RFT1: variants seen among roughly 807,000 people sequenced by gnomAD.
The protein encoded by RFT1 is man(5)GlcNAc(2)-PP-dolichol translocation protein RFT1.
Under a neutral mutation model 62.2 loss-of-function variants are expected in RFT1, and 43 were observed. That is an observed-to-expected ratio of 0.69 (90% CI 0.54 to 0.89). RFT1 has a LOEUF of 0.89. Among genes scored for constraint, RFT1 ranks in the 40% least tolerant of loss-of-function variants. The pLI is 0.00. For synonymous variants in RFT1, 262 were observed against 264.6 expected (o/e 0.99, Z 0.10); for missense variants, 605 against 649.9 (o/e 0.93, Z 0.75).
At chr3:53,087,020 T>A (rs1348467533), downstream of RFT1, among the ~76,000 whole-genome samples, 2 of 152,128 alleles carry the variant, frequency 1.3e-5, no homozygotes, top group Non-Finnish European at 2.9e-5. Flanking sequence ...GGCAGATCAC[T>A]TGCGGTCAGG....
intron 6 of RFT1, among the ~76,000 whole-genome samples, chr3:53,119,632 G>T (rs1701909810): frequency 1.3e-5 from 2 of 152,132 alleles, no homozygotes; most frequent in Non-Finnish European, 2.9e-5. Flanking sequence ...GCATCTAGTG[G>T]TTTGAGGTCA....
intron 2 of RFT1, 137 bp downstream of exon 2, chr3:53,125,772 A>G: frequency 1.5e-6 from 1 of 686,544 alleles, no homozygotes; most frequent in Non-Finnish European, 2.6e-6. Context: ...GCTTCTCCTC[A>G]GCCTACTGCT....
chr3:53,116,122 C>T (rs952934869), intron 6 of RFT1, among the ~76,000 whole-genome samples: 1 of 152,096 alleles, frequency 6.6e-6, no homozygotes, highest in African/African-American at 2.4e-5. Context: ...TCTACAAGAA[C>T]AGGAAGGGAA....
intron 6 of RFT1, among the ~76,000 whole-genome samples, chr3:53,114,007 G>A (rs1701723244): frequency 6.6e-6 from 1 of 152,210 alleles, no homozygotes; most frequent in Non-Finnish European, 1.5e-5. Flanking sequence ...TAGCCCAGGA[G>A]TAAATCTTCC....
Position 53,130,425 on chromosome 3 carries a change from C to G in RFT1, c.-25G>C. 6.4e-7 allele frequency: 1 copy of G among 1,550,430 alleles called. No homozygotes were observed. Among genetic ancestry groups the G allele is most frequent in the Non-Finnish European group, 8.7e-7 (1 of 1,146,814 alleles). On this transcript the variant is annotated 5_prime_UTR_variant, in exon 1 of 13. Transcript: ENST00000296292. ...TAGCCTCCGCGCCAGGCTCAGACAC[C>G]AGGAAATGCCGCCGCCACTCCGTTT... is the stretch of plus-strand genomic sequence containing the variant.
At chr3:53,121,834 C>T in intron 4 of RFT1, 34 bp from the exon 5 acceptor site, 1 of 1,554,050 alleles carries the variant, frequency 6.4e-7, no homozygotes, top group Non-Finnish European at 8.8e-7. Flanking sequence ...AGTTTACAAA[C>T]ATCATCAAAA....
At chr3:53,128,051 ACTT>A (rs1427081837) in intron 1 of RFT1, among the ~76,000 whole-genome samples, 1 of 151,906 alleles carries the variant, frequency 6.6e-6, no homozygotes, top group Non-Finnish European at 1.5e-5. Flanking sequence ...TAATGCCAGC[ACTT>A]CGGGAGGCTG....
At chr3:53,129,622 A>G (rs1311546434) in intron 1 of RFT1, among the ~76,000 whole-genome samples, 1 of 152,182 alleles carries the variant, frequency 6.6e-6, no homozygotes, top group Non-Finnish European at 1.5e-5. Context: ...TTCAGATACC[A>G]TTTGGACTAA....
chr3:53,125,898 T>A lies in RFT1; in HGVS notation c.149+11A>T. ...TGAACTCTGACAGTGCCAGGGTGCA[T>A]CTCCTCCTACCTTACATTTACTACG... is the stretch of plus-strand genomic sequence containing the variant. On this transcript the variant is annotated intron_variant, in intron 2 of 12. Coordinates refer to ENST00000296292, the MANE Select transcript of RFT1 (RefSeq NM_052859.4). 1 of 1,608,492 alleles carries A rather than the reference T, an allele frequency of 6.2e-7. No homozygotes were observed. The highest frequency in any genetic ancestry group is 8.5e-7 in the Non-Finnish European group (1 of 1,175,250).
the RFT1 span, among the ~76,000 whole-genome samples, chr3:53,073,311 G>A: frequency 6.6e-6 from 1 of 152,254 alleles, no homozygotes; most frequent in African/African-American, 2.4e-5. Context: ...TGGGTGAGGA[G>A]AGAACCTGGG....
At chr3:53,111,057 G>T (rs1321099341) in intron 7 of RFT1, among the ~76,000 whole-genome samples, 1 of 151,964 alleles carries the variant, frequency 6.6e-6, no homozygotes, top group African/African-American at 2.4e-5. Flanking sequence ...TCCAGGATTA[G>T]GGAATTGACA....
intron 7 of RFT1, among the ~76,000 whole-genome samples, chr3:53,111,114 G>A (rs947153098): frequency 2.0e-5 from 3 of 152,144 alleles, no homozygotes; most frequent in African/African-American, 7.2e-5. Context: ...ATAAATAAAT[G>A]ATATAAAATG....
At chr3:53,128,961 G>A (rs540203295) in intron 1 of RFT1, among the ~76,000 whole-genome samples, 1 of 152,316 alleles carries the variant, frequency 6.6e-6, no homozygotes, top group South Asian at 2.1e-4. Flanking sequence ...TGACCTTACA[G>A]GTAAGCCACC....
intron 7 of RFT1, among the ~76,000 whole-genome samples, chr3:53,110,499 T>C (rs933054808): frequency 1.3e-5 from 2 of 152,122 alleles, no homozygotes; most frequent in Non-Finnish European, 1.5e-5. Context: ...ATTTTTGTAA[T>C]AGCAAAGTTA....
intron 1 of RFT1, among the ~76,000 whole-genome samples, chr3:53,127,776 A>G (rs1702148798): frequency 6.6e-6 from 1 of 152,172 alleles, no homozygotes; most frequent in Admixed American, 6.5e-5. Flanking sequence ...TCTCTACAAG[A>G]AATATTTTTA....
chr3:53,120,126 C>T, intron 5 of RFT1, 105 bp from the exon 6 acceptor site: 3 of 494,308 alleles, frequency 6.1e-6, no homozygotes, highest in Non-Finnish European at 9.4e-6. Flanking sequence ...ATTAACTGCA[C>T]TTTCTATTCA....
Position 53,130,347 on chromosome 3 carries a change from G to A in RFT1, c.54C>T (p.Leu18=), listed in dbSNP as rs1203181081. The change falls in exon 1 of 13, where the codon CTC becomes CTT. Residue 18 remains leucine, a synonymous_variant. Coordinates refer to ENST00000296292, the MANE Select transcript of RFT1 (RefSeq NM_052859.4). The stretch of plus-strand genomic sequence containing the variant: ...GAAGGGCAGAGAGTACCTGCAGGAG[G>A]AGACCGGAGGAGGCCAGCCGGGCCG... The part of the protein sequence containing the change: ...GHAARLASSG[L]LLQVLFRLIT... The A allele has an allele frequency of 6.4e-7, 1 of 1,568,792 alleles. No homozygotes were observed. Among genetic ancestry groups the A allele is most frequent in the Admixed American group, 1.9e-5 (1 of 53,656 alleles).
the RFT1 span, among the ~76,000 whole-genome samples, chr3:53,074,035 G>A: frequency 2.0e-5 from 3 of 152,138 alleles, no homozygotes; most frequent in Non-Finnish European, 2.9e-5. Flanking sequence ...CAGGCCCTGC[G>A]AGGGCCCAGG....
intron 11 of RFT1, among the ~76,000 whole-genome samples, chr3:53,096,890 G>A (rs1321008519): frequency 1.3e-5 from 2 of 151,872 alleles, no homozygotes; most frequent in Non-Finnish European, 2.9e-5. Flanking sequence ...GATTACAGGC[G>A]TGCGCCCCTA....
Sources: allele counts gnomAD v4.1 joint callset (sites outside exome capture counted in the v4.1 genomes callset), GRCh38; gene constraint gnomAD v4.1.1; transcripts MANE v1.5; gene names NCBI Gene and HGNC (gene_info 2026-07-23, HGNC 2026-07-21).